The following MIA2 variants were observed in gnomAD, a reference collection of about 807,000 sequenced individuals.
MIA2 encodes melanoma inhibitory activity protein 2.
A neutral mutation model predicts 167.8 loss-of-function variants in MIA2; 127 were observed. The ratio of observed to expected loss-of-function variants is 0.76; its 90% CI spans 0.66 to 0.88. MIA2 has a LOEUF of 0.88. MIA2 is among the 40% of genes least tolerant of loss of function. The pLI, the probability that MIA2 is intolerant of heterozygous loss-of-function variation, is 0.00. For missense variants in MIA2, 1,690 were observed against 1,624.7 expected, an observed-to-expected ratio of 1.04 and a Z score of -0.69; for synonymous variants, 552 against 541.9, an observed-to-expected ratio of 1.02 and a Z score of -0.26.
At chr14:39,267,079 C>A (rs1014943344) in intron 6 of MIA2, 2 of 1,095,356 alleles carry the variant, frequency 1.8e-6, no homozygotes, top group Non-Finnish European at 2.2e-6. Flanking sequence ...GACCCGGACA[C>A]GTCTGCGAAG....
intron 3 of MIA2, among the ~76,000 whole-genome samples, chr14:39,246,325 A>G (rs1257490453): frequency 6.6e-6 from 1 of 150,946 alleles, no homozygotes; most frequent in Non-Finnish European, 1.5e-5. Context: ...TCGAACTCCT[A>G]AGCTCAGGCA....
chr14:39,283,834 C>G (rs1314177268), intron 9 of MIA2, among the ~76,000 whole-genome samples: 4 of 152,054 alleles, frequency 2.6e-5, no homozygotes, highest in African/African-American at 9.7e-5. Context: ...AGTCCTTTGC[C>G]TGTTTTTAAA....
rs11844934 is a variant in MIA2 at position 39,361,452 on chromosome 14, T to A, written c.2248+12475T>A. Among the ~76,000 whole-genome samples the A allele has an allele frequency of 7.8e-3, 1,116 of 143,630 alleles. 12 individuals carry two copies. The highest frequency in any genetic ancestry group is 0.029 in the African/African-American group (1,067 of 37,294). 94.2% of individuals were successfully genotyped at this position (143,630 alleles called of 152,430 possible). ...TAGGTGTGTGGTTTTTTTTTTTTTT[T>A]CCTGAGACAGAGTTTCGCTCTTGTT... On this transcript the variant is annotated intron_variant, in intron 23 of 23. Coordinates refer to the MIA2 transcript ENST00000341502.
At chr14:39,266,599 C>A in intron 6 of MIA2, 1 of 985,496 alleles carries the variant, frequency 1.0e-6, no homozygotes, top group Non-Finnish European at 1.2e-6. Context: ...ACAGCTGAGC[C>A]GGGACGCCTT....
rs1430788050 is a variant in MIA2, at chr14:39,320,915, T to A, written c.3368-13T>A. The A allele has an allele frequency of 6.2e-7, 1 of 1,608,152 alleles. No individual in the cohort carries two copies. Among genetic ancestry groups the A allele is most frequent in the East Asian group, 2.2e-5 (1 of 44,824 alleles). On this transcript the variant is annotated splice_polypyrimidine_tract_variant and intron_variant, in intron 23 of 28. Coordinates refer to ENST00000640607, the MANE Select transcript of MIA2 (RefSeq NM_001329214.4). ...AAACTATGAATTTAAATATGCTGTT[T>A]TAATTATTCCAGAGCATTCCCCATA...
intron 10 of MIA2, among the ~76,000 whole-genome samples, chr14:39,291,817 G>A (rs2060775096): frequency 6.6e-6 from 1 of 152,222 alleles, no homozygotes; most frequent in Admixed American, 6.5e-5. Flanking sequence ...AACTAAGACA[G>A]ATTAGGGTAA....
At chr14:39,371,505 C>T (rs1007552113) in intron 23 of MIA2, among the ~76,000 whole-genome samples, 2 of 152,156 alleles carry the variant, frequency 1.3e-5, no homozygotes, top group East Asian at 1.9e-4. Flanking sequence ...TCTATTTAGA[C>T]GAGAATCCAG....
intron 23 of MIA2, among the ~76,000 whole-genome samples, chr14:39,358,459 C>CT (rs906005837): frequency 5.3e-5 from 8 of 152,062 alleles, no homozygotes; most frequent in Middle Eastern, 3.4e-3. Context: ...TTTGTCTAAT[C>CT]TTTTTTTTGA....
At position 39,300,080 on chromosome 14, in the gene MIA2, A is replaced by G. The variant is rs2152872022; in HGVS notation, c.2619+94A>G. The G allele has an allele frequency of 2.7e-6, 4 of 1,473,304 alleles. No individual in the cohort carries two copies. The East Asian group carries it at 9.5e-5, about 35-fold the overall frequency. 91.3% of individuals were successfully genotyped at this position (1,473,304 alleles called of 1,614,324 possible). On this transcript the variant is annotated intron_variant, in intron 14 of 28. Coordinates refer to ENST00000640607, the MANE Select transcript of MIA2 (RefSeq NM_001329214.4). ...CTAGTTTTTAGCAACTTTTATTTTC[A>G]CAACATATTTTCATAACATATTTGG... is the stretch of plus-strand genomic sequence containing the variant.
chr14:39,315,117 TACTAAAAAA>T, intron 20 of MIA2: 1 of 80,522 alleles, frequency 1.2e-5, no homozygotes. Flanking sequence ...ACCCTGTCTC[TACTAAAAAA>T]AAAAAAAAAA....
At chr14:39,332,220 G>A (rs193268702) in intron 25 of MIA2, among the ~76,000 whole-genome samples, 20 of 152,044 alleles carry the variant, frequency 1.3e-4, no homozygotes, top group African/African-American at 3.6e-4. Flanking sequence ...CCTTTCTTCC[G>A]ACTGATCAAT....
intron 9 of MIA2, among the ~76,000 whole-genome samples, chr14:39,288,485 T>TTA (rs1566749363): frequency 5.9e-5 from 5 of 85,246 alleles, no homozygotes; most frequent in Non-Finnish European, 1.2e-4. Flanking sequence ...ATTTTTTTTT[T>TTA]TTTTTTTGAG....
intron 3 of MIA2, among the ~76,000 whole-genome samples, chr14:39,242,324 A>ATTTTTT (rs56734587): frequency 7.1e-6 from 1 of 141,290 alleles, no homozygotes. Flanking sequence ...TACTTATTGC[A>ATTTTTT]TTTTTTTTTT....
At chr14:39,309,746 A>G (rs2063900583) in intron 18 of MIA2, among the ~76,000 whole-genome samples, 3 of 152,180 alleles carry the variant, frequency 2.0e-5, no homozygotes, top group Non-Finnish European at 4.4e-5. Flanking sequence ...CTGTATTCCC[A>G]GTGCCTAAAG....
At chr14:39,362,962 A>G (rs1245358546) in intron 23 of MIA2, among the ~76,000 whole-genome samples, 2 of 152,086 alleles carry the variant, frequency 1.3e-5, no homozygotes, top group South Asian at 2.1e-4. Context: ...GGAACATGTC[A>G]TTTAATTTCC....
chr14:39,375,246 A>G (rs547700706), intron 23 of MIA2, among the ~76,000 whole-genome samples: 1 of 152,346 alleles, frequency 6.6e-6, no homozygotes, highest in African/African-American at 2.4e-5. Flanking sequence ...TCTGTTGATT[A>G]AAGTTGCATT....
At chr14:39,307,817 T>C (rs756330164) in intron 17 of MIA2, among the ~76,000 whole-genome samples, 2 of 152,182 alleles carry the variant, frequency 1.3e-5, no homozygotes, top group East Asian at 3.8e-4. Flanking sequence ...GTGAGCCTAT[T>C]TTAAGTGAAA....
At chr14:39,336,341 C>T (rs62000689) in intron 25 of MIA2, among the ~76,000 whole-genome samples, 30,079 of 152,124 alleles carry the variant, frequency 0.2, 2,984 homozygotes, top group Middle Eastern at 0.28. Flanking sequence ...TCCAAACATT[C>T]TTATTACTTA....
chr14:39,289,098 T>C (rs2060365509), intron 9 of MIA2, among the ~76,000 whole-genome samples: 1 of 152,120 alleles, frequency 6.6e-6, no homozygotes, highest in Non-Finnish European at 1.5e-5. Context: ...AAGCCATCTC[T>C]TCCTGGGCTT....
Sources: allele counts gnomAD v4.1 joint callset (sites outside exome capture counted in the v4.1 genomes callset), GRCh38; gene constraint gnomAD v4.1.1; transcripts MANE v1.5; gene names NCBI Gene and HGNC (gene_info 2026-07-23, HGNC 2026-07-21).